MAP1A: variants seen among roughly 807,000 people sequenced by gnomAD.
The protein encoded by MAP1A is microtubule-associated protein 1A.
In MAP1A, 42 loss-of-function variants were observed where a neutral mutation model predicts 185.9. The observed-to-expected ratio is 0.23, with a 90% CI of 0.18 to 0.29. The LOEUF (loss-of-function observed/expected upper bound fraction) is 0.29, where lower values mean the gene tolerates loss of function less well. Ranked by LOEUF, MAP1A falls within the 10% of genes least tolerant of loss-of-function variation. The pLI is 1.00. For missense variants in MAP1A, 2,995 were observed against 3,450.4 expected, an observed-to-expected ratio of 0.87 and a Z score of 3.31; for synonymous variants, 1,229 against 1,335.9, an observed-to-expected ratio of 0.92 and a Z score of 1.74.
chr15:43,520,829 A>C, intron 2 of MAP1A, 106 bp downstream of exon 2: 1 of 1,307,080 alleles, frequency 7.7e-7, no homozygotes, highest in Non-Finnish European at 1.1e-6. Context: ...TCTGCCATCT[A>C]AGCTGACGTA....
At chr15:43,511,158 T>C (rs1334444480) in exon 1 of MAP1A, 6 of 1,550,412 alleles carry the variant, frequency 3.9e-6, no homozygotes, top group Non-Finnish European at 5.2e-6. Context: ...AAGCACTCTT[T>C]GCTAATTGTG....
Position 43,526,955 on chromosome 15 carries a change from C to T in MAP1A, c.5482C>T (p.His1828Tyr). The T allele has an allele frequency of 6.2e-7, 1 of 1,613,750 alleles. No homozygotes were observed. Among genetic ancestry groups the T allele is most frequent in the Non-Finnish European group, 8.5e-7 (1 of 1,179,754 alleles). ...SPIPDPKLMP[H>Y]MKNEPTTPSW... ...TATCCCAGACCCTAAGCTCATGCCA[C>T]ACATGAAGAATGAACCCACTACTCC... is the stretch of plus-strand genomic sequence containing the variant. Residue 1828 changes from histidine to tyrosine, a missense_variant, in exon 4 of 6, where the codon CAC (histidine) becomes TAC (tyrosine). Coordinates refer to ENST00000300231, the MANE Select transcript of MAP1A (RefSeq NM_002373.6). The surrounding 1 kb of genome is among the most constrained non-coding windows in gnomAD (Gnocchi z 4.7).
At chr15:43,520,098 C>T (rs986749997) in intron 1 of MAP1A, among the ~76,000 whole-genome samples, 2 of 152,132 alleles carry the variant, frequency 1.3e-5, no homozygotes, top group Non-Finnish European at 2.9e-5. Flanking sequence ...CAGGCTTCTC[C>T]GGGTCTTCTG....
rs769486636 is a variant in MAP1A, at chr15:43,521,342, A to T, written c.-132A>T. 1.9e-6 allele frequency: 3 copies of T among 1,612,062 alleles called. No homozygotes were observed. The South Asian group carries it at 3.3e-5, about 18-fold the overall frequency. On this transcript the variant is annotated 5_prime_UTR_variant, in exon 4 of 6. Transcript: ENST00000300231. This position sits in a 1 kb window ranked among gnomAD's most constrained non-coding sequence, Gnocchi z 4.6. Reference sequence around the variant, plus strand: ...CTTCTAGATTTCCCAATTGCTCAGCAATAGAGACCCTGGGATACAGGCCTT... The same window carrying T: ...CTTCTAGATTTCCCAATTGCTCAGCTATAGAGACCCTGGGATACAGGCCTT...
chr15:43,524,860 T>G lies in MAP1A; in HGVS notation c.3387T>G (p.Pro1129=). 6.2e-7 allele frequency: 1 copy of G among 1,614,164 alleles called. No homozygotes were observed. The highest frequency in any genetic ancestry group is 1.1e-5 in the South Asian group (1 of 91,076). The stretch of plus-strand genomic sequence containing the variant: ...GTTTGAGGACTTTACCCCAAGAACC[T>G]GGCAAACCTCAGAAAGATGAGGTGC... ...PGGLRTLPQE[P]GKPQKDEVLR... The change falls in exon 4 of 6, where the codon CCT becomes CCG. Residue 1129 remains proline (P), a synonymous_variant. Coordinates refer to ENST00000300231, the MANE Select transcript of MAP1A (RefSeq NM_002373.6).
At position 43,528,007 on chromosome 15, in the gene MAP1A, A is replaced by G; in HGVS notation, c.6534A>G (p.Pro2178=). Residue 2178 remains proline, a synonymous_variant, in exon 4 of 6, where the codon CCA becomes CCG. Coordinates refer to ENST00000300231, the MANE Select transcript of MAP1A (RefSeq NM_002373.6). ...TCTCCTCATTGCAGCCAGCTCCCCC[A>G]CAGCTGCCCTCTCCAGCTGAACCCC... The part of the protein sequence containing the change: ...FGFSSLQPAP[P]QLPSPAEPRS... The G allele has an allele frequency of 1.9e-6, 3 of 1,613,488 alleles. No individual in the cohort carries two copies. The highest frequency in any genetic ancestry group is 2.5e-6 in the Non-Finnish European group (3 of 1,179,914).
chr15:43,520,957 C>T lies in MAP1A; in HGVS notation c.-291-15C>T. On this transcript the variant is annotated splice_polypyrimidine_tract_variant and intron_variant, in intron 2 of 5. Transcript: ENST00000300231. The stretch of plus-strand genomic sequence containing the variant: ...ATTTCCTATATCTGTGACCACTCCC[C>T]TTCTTCCATTCCAGGTTCATCATCT... The T allele has an allele frequency of 6.5e-7, 1 of 1,548,608 alleles. No individual in the cohort carries two copies. Among genetic ancestry groups the T allele is most frequent in the Non-Finnish European group, 8.7e-7 (1 of 1,145,772 alleles).
At position 43,527,771 on chromosome 15, in the gene MAP1A, C is replaced by T. The variant is rs748972204; in HGVS notation, c.6298C>T (p.His2100Tyr). Residue 2100 changes from histidine (H) to tyrosine (Y), a missense_variant, in exon 4 of 6, where the codon CAC (histidine) becomes TAC (tyrosine). By Grantham distance (83) the His-to-Tyr change is moderately conservative. Coordinates refer to ENST00000300231, the MANE Select transcript of MAP1A (RefSeq NM_002373.6). ...ATCCCCCAAGGAATCAGGCCGGAGT[C>T]ACTGGGATGACAGCACTAGTGACTC... The part of the protein sequence containing the change: ...SPSPKESGRS[H>Y]WDDSTSDSEL... 1.2e-5 allele frequency: 19 copies of T among 1,613,870 alleles called. No homozygotes were observed. Among genetic ancestry groups the T allele is most frequent in the Non-Finnish European group, 1.6e-5 (19 of 1,179,878 alleles).
At position 43,525,303 on chromosome 15, in the gene MAP1A, C is replaced by T. The variant is rs762885708; in HGVS notation, c.3830C>T (p.Thr1277Ile). 1 of 1,614,074 alleles carries T rather than the reference C, an allele frequency of 6.2e-7. No homozygotes were observed. Among genetic ancestry groups the T allele is most frequent in the African/African-American group, 1.3e-5 (1 of 74,938 alleles). The change falls in exon 4 of 6, where the codon ACA becomes ATA. Residue 1277 changes from threonine (T) to isoleucine (I), a missense_variant. By Grantham distance (89) the Thr-to-Ile change is moderately conservative. Transcript: ENST00000300231. Reference protein sequence around the residue: ...TDGTTRYSAQTDITDDSLDRK... With the variant: ...TDGTTRYSAQIDITDDSLDRK... ...GGGACAACTCGATACTCTGCACAGA[C>T]AGACATCACAGATGACAGCCTTGAC...
At chr15:43,519,560 A>T (rs1013627672) in intron 1 of MAP1A, among the ~76,000 whole-genome samples, 11 of 152,190 alleles carry the variant, frequency 7.2e-5, no homozygotes, top group Admixed American at 3.9e-4. Flanking sequence ...GGTTAATGCC[A>T]CTATGTACTG....
chr15:43,524,133 A>T lies in MAP1A; in HGVS notation c.2660A>T (p.Asp887Val). The T allele has an allele frequency of 6.2e-7, 1 of 1,614,176 alleles. No individual in the cohort carries two copies. The highest frequency in any genetic ancestry group is 8.5e-7 in the Non-Finnish European group (1 of 1,180,026). ...CGTACTGAAGCTACGCAGGGCTTGG[A>T]CTATGTGCCATCAGCTGGTACCATC... is the stretch of plus-strand genomic sequence containing the variant. ...SSRTEATQGL[D>V]YVPSAGTISP... The change falls in exon 4 of 6, where the codon GAC becomes GTC. Residue 887 changes from aspartate (D) to valine (V), a missense_variant. Around this residue, in one of 3 missense-constraint regions of MAP1A, gnomAD observed 2,728 missense variants for 2,986.0 expected, o/e 0.91. Transcript: ENST00000300231.
Position 43,523,294 on chromosome 15 carries a change from C to A in MAP1A, c.1821C>A (p.Asp607Glu). Reference sequence around the variant, plus strand: ...TCCCTGAGGAACAAGGCAGCAAGGACAGAGGCCTAGACTCTGGGGCTGAAA... The same window carrying A: ...TCCCTGAGGAACAAGGCAGCAAGGAAAGAGGCCTAGACTCTGGGGCTGAAA... ...PEVPEEQGSKDRGLDSGAETE... is the reference protein window; with the variant it reads ...PEVPEEQGSKERGLDSGAETE... Residue 607 changes from aspartate to glutamate, a missense_variant, in exon 4 of 6, where the codon GAC (aspartate) becomes GAA (glutamate). By Grantham distance (45) the Asp-to-Glu change is conservative. This residue lies in a region of MAP1A where 2,728 missense variants were observed against 2,986.0 expected (regional missense o/e 0.91). Coordinates refer to ENST00000300231, the MANE Select transcript of MAP1A (RefSeq NM_002373.6). The A allele has an allele frequency of 2.5e-6, 4 of 1,612,876 alleles. No individual in the cohort carries two copies. The highest frequency in any genetic ancestry group is 3.4e-6 in the Non-Finnish European group (4 of 1,179,420).
At chr15:43,514,661 TAAAG>T (rs1407093152), upstream of MAP1A, among the ~76,000 whole-genome samples, 1 of 152,192 alleles carries the variant, frequency 6.6e-6, no homozygotes, top group Non-Finnish European at 1.5e-5. Flanking sequence ...GACCCTCTGA[TAAAG>T]AGTCAGTGGC....
Position 43,526,863 on chromosome 15 carries a change from C to T in MAP1A, c.5390C>T (p.Ser1797Phe). 1 of 1,614,152 alleles carries T rather than the reference C, an allele frequency of 6.2e-7. No homozygotes were observed. The highest frequency in any genetic ancestry group is 8.5e-7 in the Non-Finnish European group (1 of 1,180,022). Reference protein sequence around the residue: ...KLTRSPFEIISPPASPPEMVG... With the variant: ...KLTRSPFEIIFPPASPPEMVG... ...ACCCGCTCTCCCTTTGAGATCATCT[C>T]CCCTCCAGCTTCCCCACCTGAGATG... Residue 1797 changes from serine (S) to phenylalanine (F), a missense_variant, in exon 4 of 6, where the codon TCC (serine) becomes TTC (phenylalanine). By Grantham distance (155) the Ser-to-Phe change is radical. This residue lies in a region of MAP1A where 2,728 missense variants were observed against 2,986.0 expected (regional missense o/e 0.91). Coordinates refer to ENST00000300231, the MANE Select transcript of MAP1A (RefSeq NM_002373.6). This position sits in a 1 kb window ranked among gnomAD's most constrained non-coding sequence, Gnocchi z 4.7.
chr15:43,529,572 T>A lies in MAP1A; in HGVS notation c.8035+64T>A, dbSNP rs1425501740. 2 of 1,604,604 alleles carry A rather than the reference T, an allele frequency of 1.2e-6. No individual in the cohort carries two copies. Among genetic ancestry groups the A allele is most frequent in the Non-Finnish European group, 1.7e-6 (2 of 1,172,590 alleles). Reference sequence around the variant, plus strand: ...GGGCTGGGTGTGGGCTGGTCAGACTTCAGGAGTGGGACAGAGGGGAAGGTT... The same window carrying A: ...GGGCTGGGTGTGGGCTGGTCAGACTACAGGAGTGGGACAGAGGGGAAGGTT... On this transcript the variant is annotated intron_variant, in intron 4 of 5. Coordinates refer to ENST00000300231, the MANE Select transcript of MAP1A (RefSeq NM_002373.6). This position sits in a 1 kb window ranked among gnomAD's most constrained non-coding sequence, Gnocchi z 4.3.
At chr15:43,511,149 A>G (rs1595642728) in exon 1 of MAP1A, 1 of 1,550,432 alleles carries the variant, frequency 6.4e-7, no homozygotes, top group Admixed American at 2.0e-5. Flanking sequence ...GACCTGCAGA[A>G]GCACTCTTTG....
chr15:43,527,176 A>G lies in MAP1A; in HGVS notation c.5703A>G (p.Pro1901=). 2.5e-6 allele frequency: 4 copies of G among 1,613,872 alleles called. No homozygotes were observed. The highest frequency in any genetic ancestry group is 3.4e-6 in the Non-Finnish European group (4 of 1,179,938). The change falls in exon 4 of 6, where the codon CCA becomes CCG. Residue 1901 remains proline (P), a synonymous_variant. Transcript: ENST00000300231. ...GGGCAGCTGAGTTGGAAGGTGGGCC[A>G]TACTCCCCCCTGGGGAAGGACTACC... is the stretch of plus-strand genomic sequence containing the variant. ...QEGAAELEGG[P]YSPLGKDYRK...
Position 43,527,658 on chromosome 15 carries a change from T to A in MAP1A, c.6185T>A (p.Val2062Asp), listed in dbSNP as rs771126505. ...SMEPSLTPPAVPPRAPILSKG... is the reference protein window; with the variant it reads ...SMEPSLTPPADPPRAPILSKG... The stretch of plus-strand genomic sequence containing the variant: ...GAGCCCAGCCTCACCCCACCTGCAG[T>A]TCCCCCCCGTGCTCCTATCCTGAGC... Residue 2062 changes from valine to aspartate, a missense_variant, in exon 4 of 6, where the codon GTT becomes GAT. Physicochemically the swap from Val to Asp is radical, Grantham distance 152 (BLOSUM62 -3). This residue lies in a region of MAP1A where 2,728 missense variants were observed against 2,986.0 expected (regional missense o/e 0.91). Coordinates refer to ENST00000300231, the MANE Select transcript of MAP1A (RefSeq NM_002373.6). 5.9e-6 allele frequency: 9 copies of A among 1,530,476 alleles called. No individual in the cohort carries two copies. Among genetic ancestry groups the A allele is most frequent in the Middle Eastern group, 1.7e-4 (1 of 5,752 alleles). 94.8% of individuals were successfully genotyped at this position (1,530,476 alleles called of 1,614,324 possible).
In MAP1A at chr15:43,527,690, C is replaced by T; in HGVS notation, c.6217C>T (p.Pro2073Ser). Residue 2073 changes from proline to serine, a missense_variant, in exon 4 of 6, where the codon CCA becomes TCA. By Grantham distance (74) the Pro-to-Ser change is moderately conservative (BLOSUM62 -1). Transcript: ENST00000300231. ...CCGTGCTCCTATCCTGAGCAAAGGC[C>T]CAAGCCCCCCTCTTAATGGTAACAT... ...PPRAPILSKGPSPPLNGNILS... is the reference protein window; with the variant it reads ...PPRAPILSKGSSPPLNGNILS... 6.2e-7 allele frequency: 1 copy of T among 1,613,058 alleles called. No individual in the cohort carries two copies. Among genetic ancestry groups the T allele is most frequent in the South Asian group, 1.1e-5 (1 of 91,006 alleles).
Sources: gnomAD v4.1 joint callset for allele counts (sites outside exome capture counted in the v4.1 genomes callset) on GRCh38, gnomAD v4.1.1 for gene constraint, gnomAD v4.1.1 regional missense constraint, Gnocchi (gnomAD v3.1) non-coding constraint, MANE v1.5 for transcripts, NCBI Gene and HGNC (gene_info 2026-07-23, HGNC 2026-07-21) for gene names.